SGCZ: variants seen among roughly 807,000 people sequenced by gnomAD.
SGCZ encodes the protein sarcoglycan zeta.
In SGCZ, 40 loss-of-function variants were observed where a neutral mutation model predicts 41.3. The observed-to-expected ratio is 0.97, with a 90% CI of 0.75 to 1.26. The LOEUF is 1.26. Ranked by LOEUF, SGCZ falls within the 50% of genes most tolerant of loss-of-function variation. SGCZ has a pLI of 0.00. For synonymous variants in SGCZ, 206 were observed against 137.5 expected (o/e 1.50, Z -3.49); for missense variants, 552 against 369.8 (o/e 1.49, Z -4.04).
chr8:14,524,772 TC>T (rs1316183896), intron 2 of SGCZ, among the ~76,000 whole-genome samples: 6 of 152,102 alleles, frequency 3.9e-5, no homozygotes, highest in Admixed American at 2.0e-4. Flanking sequence ...TTCTCCATCT[TC>T]CTGGAAGCGG....
intron 1 of SGCZ, among the ~76,000 whole-genome samples, chr8:14,675,234 C>A (rs1392703025): frequency 6.6e-6 from 1 of 151,838 alleles, no homozygotes; most frequent in African/African-American, 2.4e-5. Flanking sequence ...GCCACCGCAC[C>A]CGGCCAAACC....
intron 5 of SGCZ, among the ~76,000 whole-genome samples, chr8:14,111,222 A>G (rs1056157775): frequency 6.6e-6 from 1 of 152,156 alleles, no homozygotes; most frequent in African/African-American, 2.4e-5. Context: ...ATTTTTTAGT[A>G]TAAGTATAGG....
At position 14,836,273 on chromosome 8, in the gene SGCZ, T is replaced by G. The variant is rs1802698917; in HGVS notation, c.40-281347A>C. Among the ~76,000 whole-genome samples the G allele has an allele frequency of 2.6e-5, 4 of 152,218 alleles. No individual in the cohort carries two copies. In the South Asian group the frequency reaches 8.3e-4, roughly 32 times the overall value. On this transcript the variant is annotated intron_variant, in intron 1 of 7. Coordinates refer to ENST00000382080, the MANE Select transcript of SGCZ (RefSeq NM_139167.4). ...ACAATCTTGAGTGAATCACTTATGC[T>G]GAATTCTGAAATTCAATATTCTCAT...
chr8:15,238,170 G>A lies in SGCZ; in HGVS notation c.-547C>T, dbSNP rs796926876. The A allele has an allele frequency of 2.1e-4, 32 of 152,870 alleles. 1 individual carries two copies. Among genetic ancestry groups the A allele is most frequent in the African/African-American group, 7.7e-4 (32 of 41,564 alleles). The allele number at this position is 152,870 out of a possible 1,614,324, so 9.5% of individuals were successfully genotyped here. A position where few individuals can be genotyped will look rare whatever the true frequency, so the allele number is the denominator to read the frequency against. On this transcript the variant is annotated 5_prime_UTR_variant, in exon 1 of 8. Coordinates refer to ENST00000382080, the MANE Select transcript of SGCZ (RefSeq NM_139167.4). ...TCCCCGGCAAGATAACAGAATCCCC[G>A]AAGTCCTGCATAGACTTAAAAAATG...
chr8:14,731,610 T>C (rs1290550528), intron 1 of SGCZ, among the ~76,000 whole-genome samples: 1 of 152,224 alleles, frequency 6.6e-6, no homozygotes, highest in African/African-American at 2.4e-5. Flanking sequence ...TCAGTAATCA[T>C]GTTTTACCAC....
intron 1 of SGCZ, among the ~76,000 whole-genome samples, chr8:14,858,842 G>A (rs558320260): frequency 2.0e-5 from 3 of 152,154 alleles, no homozygotes; most frequent in Admixed American, 6.5e-5. Flanking sequence ...AACAAAAAAC[G>A]AGTTTTATAT....
At chr8:14,801,589 C>T (rs764768988) in intron 1 of SGCZ, among the ~76,000 whole-genome samples, 40 of 151,952 alleles carry the variant, frequency 2.6e-4, no homozygotes, top group Non-Finnish European at 5.1e-4. Context: ...AAGGTAAGAA[C>T]GGACAGAGAT....
intron 3 of SGCZ, among the ~76,000 whole-genome samples, chr8:14,308,374 T>C (rs1238467838): frequency 6.6e-6 from 1 of 152,042 alleles, no homozygotes; most frequent in African/African-American, 2.4e-5. Context: ...AAAATTTGGA[T>C]AGAGAACTAT....
intron 1 of SGCZ, among the ~76,000 whole-genome samples, chr8:14,720,241 A>G (rs1277632273): frequency 1.3e-5 from 2 of 152,006 alleles, no homozygotes; most frequent in Non-Finnish European, 2.9e-5. Flanking sequence ...ATCACAAGAA[A>G]TACAGAAAAA....
At chr8:14,813,604 G>C (rs543904629) in intron 1 of SGCZ, among the ~76,000 whole-genome samples, 47 of 152,264 alleles carry the variant, frequency 3.1e-4, no homozygotes, top group African/African-American at 1.1e-3. Flanking sequence ...CACAGAAGTA[G>C]CTAGTCTTTC....
intron 1 of SGCZ, among the ~76,000 whole-genome samples, chr8:14,860,309 T>G (rs903492697): frequency 6.6e-6 from 1 of 152,012 alleles, no homozygotes; most frequent in African/African-American, 2.4e-5. Context: ...AATTTGACGC[T>G]AACTACATTT....
chr8:14,144,940 T>C (rs570383139), intron 5 of SGCZ, among the ~76,000 whole-genome samples: 1 of 152,174 alleles, frequency 6.6e-6, no homozygotes, highest in Non-Finnish European at 1.5e-5. Flanking sequence ...ATCTTGTGGT[T>C]TGATTGCCAG....
chr8:14,415,924 A>C (rs1423984565), intron 2 of SGCZ, among the ~76,000 whole-genome samples: 1 of 151,974 alleles, frequency 6.6e-6, no homozygotes, highest in Admixed American at 6.6e-5. Flanking sequence ...CTTTAATATA[A>C]GAAAACCTAA....
intron 2 of SGCZ, among the ~76,000 whole-genome samples, chr8:14,403,798 A>C (rs971619): frequency 0.4 from 60,194 of 151,962 alleles, 12,912 homozygotes; most frequent in African/African-American, 0.58. Context: ...TTTATATAAA[A>C]TGTATGTTTA....
At chr8:14,820,937 G>GA (rs1441619673) in intron 1 of SGCZ, among the ~76,000 whole-genome samples, 4 of 146,846 alleles carry the variant, frequency 2.7e-5, no homozygotes, top group South Asian at 2.1e-4. Flanking sequence ...AAAAACACTA[G>GA]AAAAAACTAA....
intron 1 of SGCZ, among the ~76,000 whole-genome samples, chr8:15,184,790 C>A (rs1446221050): frequency 6.6e-6 from 1 of 152,114 alleles, no homozygotes; most frequent in Non-Finnish European, 1.5e-5. Context: ...GTTGATTCTT[C>A]CTTTTACCTG....
At chr8:14,144,273 T>G (rs1449083743) in intron 5 of SGCZ, among the ~76,000 whole-genome samples, 1 of 152,176 alleles carries the variant, frequency 6.6e-6, no homozygotes, top group Admixed American at 6.5e-5. Flanking sequence ...TTGGACATCT[T>G]GGATACCAGC....
chr8:15,197,542 A>G (rs1205421370), intron 1 of SGCZ, among the ~76,000 whole-genome samples: 1 of 152,204 alleles, frequency 6.6e-6, no homozygotes, highest in Non-Finnish European at 1.5e-5. Context: ...TGAAGCAGAA[A>G]GGAATTTATT....
intron 1 of SGCZ, among the ~76,000 whole-genome samples, chr8:14,704,879 C>T (rs1385735515): frequency 6.6e-6 from 1 of 151,960 alleles, no homozygotes; most frequent in Non-Finnish European, 1.5e-5. Flanking sequence ...GCAAGCCAAA[C>T]TCGCTTCATT....
Sources: allele counts gnomAD v4.1 joint callset (sites outside exome capture counted in the v4.1 genomes callset), GRCh38; gene constraint gnomAD v4.1.1; transcripts MANE v1.5; gene names NCBI Gene and HGNC (gene_info 2026-07-23, HGNC 2026-07-21).